Variants in TFAP2D observed in about 807,000 individuals in gnomAD.
The protein encoded by TFAP2D is transcription factor AP-2-delta.
A neutral mutation model predicts 43.6 loss-of-function variants in TFAP2D; 9 were observed. The observed-to-expected ratio is 0.21, with a 90% CI of 0.12 to 0.36. The LOEUF (loss-of-function observed/expected upper bound fraction) is 0.36. Ranked by LOEUF, TFAP2D falls within the 10% of genes least tolerant of loss-of-function variation. The pLI, the probability that TFAP2D is intolerant of heterozygous loss-of-function variation, is 1.00. For synonymous variants in TFAP2D, 256 were observed against 224.9 expected (o/e 1.14, Z -1.24); for missense variants, 513 against 561.4 (o/e 0.91, Z 0.87).
At position 50,715,276 on chromosome 6, in the gene TFAP2D, C is replaced by A. The variant is rs778997408; in HGVS notation, c.200C>A (p.Thr67Asn). 1.2e-6 allele frequency: 2 copies of A among 1,614,040 alleles called. No homozygotes were observed. The highest frequency in any genetic ancestry group is 1.7e-6 in the Non-Finnish European group (2 of 1,179,974). The change falls in exon 2 of 8, where the codon ACC (threonine) becomes AAC (asparagine). Residue 67 changes from threonine to asparagine, a missense_variant. Thr to Asn is a moderately conservative substitution (Grantham distance 65, BLOSUM62 0). Transcript: ENST00000008391. ...TACTTCTCCACTAACCACCAGTACACCCCGCTCCACCACCAGTCCTTCCAT... is the reference window on the plus strand; with the variant it reads ...TACTTCTCCACTAACCACCAGTACAACCCGCTCCACCACCAGTCCTTCCAT... ...SPYFSTNHQY[T>N]PLHHQSFHYE...
intron 2 of TFAP2D, 51 bp downstream of exon 2, chr6:50,715,664 C>G (rs1484512223): frequency 4.6e-6 from 7 of 1,530,098 alleles, no homozygotes; most frequent in Non-Finnish European, 6.1e-6. Context: ...TTCGCCCTCC[C>G]CCTGCCGCCC....
chr6:50,726,747 T>C (rs532461286), intron 3 of TFAP2D, among the ~76,000 whole-genome samples: 114 of 152,338 alleles, frequency 7.5e-4, no homozygotes, highest in African/African-American at 2.6e-3. Flanking sequence ...AAGATTTTTT[T>C]TTGAAATGCA....
intron 5 of TFAP2D, among the ~76,000 whole-genome samples, chr6:50,739,169 C>A (rs1160843095): frequency 1.3e-5 from 2 of 152,036 alleles, no homozygotes; most frequent in Non-Finnish European, 2.9e-5. Context: ...TGTGCTGCAC[C>A]CATTAACTCG....
chr6:50,716,602 A>G (rs1263865836), intron 2 of TFAP2D, among the ~76,000 whole-genome samples: 1 of 152,222 alleles, frequency 6.6e-6, no homozygotes, highest in African/African-American at 2.4e-5. Flanking sequence ...CAAAGATAGA[A>G]TTTATAATTA....
At chr6:50,757,800 A>G (rs1336022086) in intron 7 of TFAP2D, among the ~76,000 whole-genome samples, 2 of 106,920 alleles carry the variant, frequency 1.9e-5, no homozygotes, top group Admixed American at 1.1e-4. Flanking sequence ...TATAGAATAT[A>G]TATAATTATA....
intron 2 of TFAP2D, among the ~76,000 whole-genome samples, chr6:50,716,026 C>T (rs928327002): frequency 7.9e-5 from 12 of 152,026 alleles, no homozygotes; most frequent in Admixed American, 6.6e-4. Flanking sequence ...AATTGATGAC[C>T]AATCGTACCC....
intron 7 of TFAP2D, 65 bp downstream of exon 7, chr6:50,751,389 G>T: frequency 1.8e-6 from 2 of 1,114,250 alleles, no homozygotes; most frequent in East Asian, 2.4e-5. Flanking sequence ...TCCTATCACA[G>T]TTCTATTTAG....
At chr6:50,769,569 A>G (rs148814561) in intron 7 of TFAP2D, among the ~76,000 whole-genome samples, 9 of 152,338 alleles carry the variant, frequency 5.9e-5, no homozygotes, top group Non-Finnish European at 1.0e-4. Flanking sequence ...TTTATATATA[A>G]CTACCTACCT....
chr6:50,747,147 A>G (rs1769136952), intron 6 of TFAP2D, among the ~76,000 whole-genome samples: 1 of 152,168 alleles, frequency 6.6e-6, no homozygotes, highest in Non-Finnish European at 1.5e-5. Context: ...CTTTATCTTT[A>G]CCATGTACTC....
intron 7 of TFAP2D, among the ~76,000 whole-genome samples, chr6:50,770,326 C>A (rs2113897005): frequency 6.6e-6 from 1 of 152,318 alleles, no homozygotes; most frequent in Admixed American, 6.5e-5. Flanking sequence ...AGTAGTTGAG[C>A]AGTGATGATG....
intron 6 of TFAP2D, among the ~76,000 whole-genome samples, chr6:50,748,567 T>G (rs1161089651): frequency 6.6e-6 from 1 of 151,938 alleles, no homozygotes; most frequent in Non-Finnish European, 1.5e-5. Context: ...GTCATTAGTC[T>G]TCTCATGCCA....
chr6:50,765,454 A>C (rs1769427937), intron 7 of TFAP2D, among the ~76,000 whole-genome samples: 1 of 152,162 alleles, frequency 6.6e-6, no homozygotes, highest in Non-Finnish European at 1.5e-5. Context: ...TGTTTTGCAT[A>C]ATGGCTGCGC....
Position 50,741,092 on chromosome 6 carries a change from TGTATTTAATATAA to T in TFAP2D, c.884-3983_884-3971del, listed in dbSNP as rs944522406. Among the ~76,000 whole-genome samples the T allele has an allele frequency of 1.0e-3, 159 of 151,946 alleles. 2 individuals are homozygous for T. Among genetic ancestry groups the T allele is most frequent in the African/African-American group, 2.8e-3 (115 of 41,534 alleles). Reference sequence around the variant, plus strand: ...ATGTTTAATATAAGTATTAAATATCTGTATTTAATATAAGTATTTAATATAAGTATTTAATATA... The same window carrying T: ...ATGTTTAATATAAGTATTAAATATCTGTATTTAATATAAGTATTTAATATA... On this transcript the variant is annotated intron_variant, in intron 5 of 7. Coordinates refer to ENST00000008391, the MANE Select transcript of TFAP2D (RefSeq NM_172238.4).
intron 5 of TFAP2D, among the ~76,000 whole-genome samples, chr6:50,743,631 C>T (rs919322682): frequency 3.3e-5 from 5 of 152,122 alleles, no homozygotes; most frequent in Non-Finnish European, 5.9e-5. Context: ...GGGGTTCTCC[C>T]GCTTCTGCCT....
At chr6:50,772,601 T>C (rs756106275) in intron 7 of TFAP2D, 44 bp from the exon 8 acceptor site, 2 of 1,544,598 alleles carry the variant, frequency 1.3e-6, no homozygotes, top group Non-Finnish European at 1.8e-6. Flanking sequence ...CACATGATAC[T>C]GCAAATCATT....
chr6:50,728,755 T>C (rs1009476135), intron 3 of TFAP2D, 101 bp from the exon 4 acceptor site: 13 of 1,182,112 alleles, frequency 1.1e-5, no homozygotes, highest in Admixed American at 2.0e-5. Flanking sequence ...ACTGTTAGCA[T>C]GTATTCCCAA....
intron 5 of TFAP2D, among the ~76,000 whole-genome samples, chr6:50,740,557 T>C (rs1364865635): frequency 6.6e-6 from 1 of 152,084 alleles, no homozygotes; most frequent in Non-Finnish European, 1.5e-5. Flanking sequence ...CTCAGCCTTC[T>C]GAGTAGCTAG....
intron 3 of TFAP2D, 26 bp downstream of exon 3, chr6:50,719,176 A>T: frequency 1.2e-6 from 2 of 1,606,706 alleles, no homozygotes; most frequent in Non-Finnish European, 1.7e-6. Flanking sequence ...CAACATGTTA[A>T]CCCTAGACAT....
intron 6 of TFAP2D, among the ~76,000 whole-genome samples, chr6:50,750,612 A>G (rs1769187054): frequency 6.6e-6 from 1 of 151,988 alleles, no homozygotes; most frequent in Admixed American, 6.6e-5. Flanking sequence ...AATGCAGCAG[A>G]AAAGTTACCT....
Sources: gnomAD v4.1 joint callset for allele counts (sites outside exome capture counted in the v4.1 genomes callset) on GRCh38, gnomAD v4.1.1 for gene constraint, MANE v1.5 for transcripts, NCBI Gene and HGNC (gene_info 2026-07-23, HGNC 2026-07-21) for gene names.